Variants in PICALM observed in about 807,000 individuals in gnomAD.
The protein encoded by PICALM is phosphatidylinositol binding clathrin assembly protein.
In PICALM, 40 loss-of-function variants were observed where a neutral mutation model predicts 80.5. The ratio of observed to expected loss-of-function variants is 0.50; its 90% CI spans 0.39 to 0.65. The LOEUF (loss-of-function observed/expected upper bound fraction) is 0.65, where lower values mean the gene tolerates loss of function less well. Ranked by LOEUF, PICALM falls within the 30% of genes least tolerant of loss-of-function variation. The pLI is 0.00. For missense variants in PICALM, 676 were observed against 778.9 expected, an observed-to-expected ratio of 0.87 and a Z score of 1.57; for synonymous variants, 288 against 260.3, an observed-to-expected ratio of 1.11 and a Z score of -1.02.
chr11:86,054,227 C>G (rs142025508), intron 1 of PICALM, among the ~76,000 whole-genome samples: 2 of 152,172 alleles, frequency 1.3e-5, no homozygotes, highest in African/African-American at 4.8e-5. Flanking sequence ...TGCACATGTG[C>G]CAACAGAATC....
At chr11:85,976,777 T>A in intron 17 of PICALM, 95 bp from the exon 18 acceptor site, 1 of 732,530 alleles carries the variant, frequency 1.4e-6, no homozygotes, top group Non-Finnish European at 2.5e-6. Flanking sequence ...CTAAAAAGAA[T>A]TGCTAAGACA....
intron 19 of PICALM, among the ~76,000 whole-genome samples, chr11:85,961,101 TA>T (rs763146020): frequency 6.9e-6 from 1 of 145,942 alleles, no homozygotes; most frequent in African/African-American, 2.5e-5. Flanking sequence ...GGTGGGGGGA[TA>T]GGGGAGGGAA....
chr11:85,982,113 C>G, intron 14 of PICALM, 110 bp from the exon 15 acceptor site: 2 of 927,160 alleles, frequency 2.2e-6, no homozygotes, highest in Non-Finnish European at 3.4e-6. Context: ...GAAAAGTTAT[C>G]CAAAAAATAG....
intron 19 of PICALM, chr11:85,960,558 G>A: frequency 2.4e-6 from 1 of 419,352 alleles, no homozygotes; most frequent in Admixed American, 3.1e-5. Context: ...AGAGGAGGAG[G>A]AGGAGAGGGA....
Position 86,065,922 on chromosome 11 carries a change from T to C in PICALM, c.130+2729A>G, listed in dbSNP as rs145714100. 3.3e-3 allele frequency among the ~76,000 whole-genome samples: 502 copies of C among 152,354 alleles called. 5 individuals are homozygous for C. Among genetic ancestry groups the C allele is most frequent in the African/African-American group, 0.012 (479 of 41,578 alleles). ...ACCACCTCCACACTCTAAGGGCTTA[T>C]ACGAAAAACAACAGTCCTAAGCATA... On this transcript the variant is annotated intron_variant, in intron 1 of 19. Transcript: ENST00000393346.
chr11:86,003,618 TA>T, intron 8 of PICALM, 167 bp from the exon 9 acceptor site: 2 of 409,650 alleles, frequency 4.9e-6, no homozygotes, highest in African/African-American at 2.0e-5. Flanking sequence ...TTACTTTTGT[TA>T]TACAAACGTG....
At chr11:86,038,389 A>G (rs1369401976) in intron 1 of PICALM, among the ~76,000 whole-genome samples, 1 of 152,204 alleles carries the variant, frequency 6.6e-6, no homozygotes, top group Non-Finnish European at 1.5e-5. Flanking sequence ...AGAATTTGGC[A>G]GCCACTATGC....
intron 17 of PICALM, 119 bp downstream of exon 17, chr11:85,981,004 TTACTTA>T (rs2094426851): frequency 3.5e-6 from 2 of 572,010 alleles, no homozygotes; most frequent in Non-Finnish European, 6.3e-6. Context: ...AGAAATACAA[TTACTTA>T]TACTTCTAAA....
At chr11:85,982,032 T>C (rs760795507) in intron 14 of PICALM, 29 bp from the exon 15 acceptor site, 1 of 1,607,108 alleles carries the variant, frequency 6.2e-7, no homozygotes, top group Admixed American at 1.7e-5. Flanking sequence ...CGAAATAGAA[T>C]TTGTAAGGAA....
intron 1 of PICALM, among the ~76,000 whole-genome samples, chr11:86,059,451 T>C (rs1169936430): frequency 6.6e-6 from 1 of 152,232 alleles, no homozygotes; most frequent in Non-Finnish European, 1.5e-5. Context: ...TATTCAGTGA[T>C]GTTTTTATGA....
chr11:86,068,523 C>A (rs2096480048), intron 1 of PICALM, 128 bp downstream of exon 1: 2 of 842,054 alleles, frequency 2.4e-6, no homozygotes, highest in South Asian at 3.5e-5. Context: ...GGGCACAGGA[C>A]CGGCCGTGCC....
chr11:86,060,469 T>C (rs1328167474), intron 1 of PICALM, among the ~76,000 whole-genome samples: 1 of 152,206 alleles, frequency 6.6e-6, no homozygotes, highest in African/African-American at 2.4e-5. Flanking sequence ...ACATTCAACC[T>C]ATGGCAATAT....
At chr11:86,018,322 T>G (rs1366466201) in intron 4 of PICALM, among the ~76,000 whole-genome samples, 1 of 152,172 alleles carries the variant, frequency 6.6e-6, no homozygotes, top group Non-Finnish European at 1.5e-5. Context: ...TGAACACATA[T>G]GAACGCATTT....
chr11:86,002,040 G>C (rs2136118610), intron 9 of PICALM, among the ~76,000 whole-genome samples: 1 of 152,214 alleles, frequency 6.6e-6, no homozygotes, highest in Middle Eastern at 3.4e-3. Flanking sequence ...CAATAAAAAG[G>C]TACAATTCAG....
At chr11:85,974,152 G>C (rs1270607231) in intron 19 of PICALM, among the ~76,000 whole-genome samples, 2 of 152,166 alleles carry the variant, frequency 1.3e-5, no homozygotes, top group Non-Finnish European at 2.9e-5. Flanking sequence ...AACACGTCAA[G>C]AGGAAAGTCT....
At chr11:86,002,006 G>C (rs1252819618) in intron 9 of PICALM, among the ~76,000 whole-genome samples, 3 of 152,234 alleles carry the variant, frequency 2.0e-5, no homozygotes, top group East Asian at 3.9e-4. Context: ...TAAATTTTAT[G>C]TAATATTAGT....
intron 1 of PICALM, among the ~76,000 whole-genome samples, chr11:86,067,042 T>A (rs1274969203): frequency 6.6e-6 from 1 of 152,258 alleles, no homozygotes; most frequent in Non-Finnish European, 1.5e-5. Flanking sequence ...AATCAAGCAC[T>A]AATGCTTTTT....
At chr11:86,050,957 G>C (rs1262406301) in intron 1 of PICALM, among the ~76,000 whole-genome samples, 7 of 152,070 alleles carry the variant, frequency 4.6e-5, no homozygotes, top group African/African-American at 1.7e-4. Flanking sequence ...TGAGTAGCTG[G>C]GACTACAAGG....
At chr11:85,977,286 ATTATTTAAGAG>A (rs1358294788) in intron 17 of PICALM, among the ~76,000 whole-genome samples, 1 of 152,194 alleles carries the variant, frequency 6.6e-6, no homozygotes, top group Non-Finnish European at 1.5e-5. Context: ...TATTCCAAAA[ATTATTTAAGAG>A]GAACAATCAA....
Sources: gnomAD v4.1 joint callset for allele counts (sites outside exome capture counted in the v4.1 genomes callset) on GRCh38, gnomAD v4.1.1 for gene constraint, MANE v1.5 for transcripts, NCBI Gene and HGNC (gene_info 2026-07-23, HGNC 2026-07-21) for gene names.